LMO2: variants seen among roughly 807,000 people sequenced by gnomAD.
LMO2 encodes rhombotin-2.
LMO2 carries 20 observed loss-of-function variants against 23.2 expected under a neutral mutation model. That is an observed-to-expected ratio of 0.86 (90% CI 0.61 to 1.25). The LOEUF (loss-of-function observed/expected upper bound fraction) is 1.25, where lower values mean the gene tolerates loss of function less well. Among genes scored for constraint, LMO2 ranks in the 50% most tolerant of loss-of-function variants. LMO2 has a pLI of 0.00. For synonymous variants in LMO2, 123 were observed against 130.2 expected (o/e 0.94, Z 0.38); for missense variants, 270 against 315.3 (o/e 0.86, Z 1.09).
At chr11:33,882,567 G>T (rs554045085) in intron 1 of LMO2, among the ~76,000 whole-genome samples, 4 of 152,150 alleles carry the variant, frequency 2.6e-5, no homozygotes, top group Non-Finnish European at 5.9e-5. Context: ...AAGCCAACAC[G>T]CAGACACCGT....
At chr11:33,868,402 A>G (rs1343060340) in intron 4 of LMO2, among the ~76,000 whole-genome samples, 1 of 152,190 alleles carries the variant, frequency 6.6e-6, no homozygotes, top group Non-Finnish European at 1.5e-5. Context: ...CCTTCAAAGG[A>G]TTAGAGGGGG....
In LMO2 at chr11:33,864,766, G is replaced by T; in HGVS notation, c.300C>A (p.Gly100=). The change falls in exon 5 of 6, where the codon GGC becomes GGA. Residue 100 remains glycine, a synonymous_variant. Transcript: ENST00000257818. This position sits in a 1 kb window ranked among gnomAD's most constrained non-coding sequence, Gnocchi z 4.8. ...GGTCCCCAATGTTCTGCTGGCAGCC[G>T]CCGCATGTCAGCAGGGATGGGGGGA... ...LQIPPSLLTC[G]GCQQNIGDRY... 3 of 1,613,924 alleles carry T rather than the reference G, an allele frequency of 1.9e-6. No individual in the cohort carries two copies. The highest frequency in any genetic ancestry group is 2.5e-6 in the Non-Finnish European group (3 of 1,180,022).
intron 1 of LMO2, among the ~76,000 whole-genome samples, chr11:33,884,875 T>C (rs1295521710): frequency 4.6e-5 from 7 of 152,256 alleles, no homozygotes; most frequent in Admixed American, 4.6e-4. Context: ...TTAGGGGTTT[T>C]TGCCCTTCAG....
At position 33,864,864 on chromosome 11, in the gene LMO2, C is replaced by G. The variant is rs1474237715; in HGVS notation, c.249-47G>C. The G allele has an allele frequency of 6.4e-7, 1 of 1,564,694 alleles. No individual in the cohort carries two copies. Among genetic ancestry groups the G allele is most frequent in the Non-Finnish European group, 8.8e-7 (1 of 1,140,318 alleles). Reference sequence around the variant, plus strand: ...AGGGACAGCCTCACCAGAGTGAGACCAGCACCGAGGGTCCGAGATCGTTTT... The same window carrying G: ...AGGGACAGCCTCACCAGAGTGAGACGAGCACCGAGGGTCCGAGATCGTTTT... On this transcript the variant is annotated intron_variant, in intron 4 of 5. Coordinates refer to ENST00000257818, the MANE Select transcript of LMO2 (RefSeq NM_005574.4). This position sits in a 1 kb window ranked among gnomAD's most constrained non-coding sequence, Gnocchi z 4.8.
chr11:33,863,047 G>A (rs945549869), intron 5 of LMO2, among the ~76,000 whole-genome samples: 1 of 152,050 alleles, frequency 6.6e-6, no homozygotes, highest in Non-Finnish European at 1.5e-5. Flanking sequence ...GAGATAGGGA[G>A]AAGCTGGGGC....
intron 4 of LMO2, among the ~76,000 whole-genome samples, chr11:33,866,451 G>A (rs1413169428): frequency 6.6e-6 from 1 of 152,092 alleles, no homozygotes; most frequent in Non-Finnish European, 1.5e-5. Context: ...CCTGGGCAAC[G>A]TGGCAAAATC....
In LMO2 at chr11:33,859,225, A is replaced by G. The variant is rs1352913786; in HGVS notation, c.*131T>C. 1 of 642,616 alleles carries G rather than the reference A, an allele frequency of 1.6e-6. No individual in the cohort carries two copies. The highest frequency in any genetic ancestry group is 1.8e-5 in the African/African-American group (1 of 54,678). The allele number at this position is 642,616 out of a possible 1,614,324, so 39.8% of individuals were successfully genotyped here. On this transcript the variant is annotated 3_prime_UTR_variant, in exon 6 of 6. Transcript: ENST00000257818. ...GATGCTATGTCTTGATACCCAATAA[A>G]GGTCTACCATCCCCTAAGAAATCCC...
intron 2 of LMO2, chr11:33,881,541 C>T (rs1044090460): frequency 2.7e-5 from 10 of 368,194 alleles, no homozygotes; most frequent in Non-Finnish European, 5.4e-5. Flanking sequence ...TCTTTTTAAC[C>T]CTGAAAACGT....
rs1227633858 is a variant in LMO2 at position 33,880,898 on chromosome 11, T to A, written c.-272+926A>T. ...GCAATCAGTGGCAATCCCTGCCCAC[T>A]TAGGACTTTTCGAATAGTGCTCATC... On this transcript the variant is annotated intron_variant, in intron 2 of 5. Coordinates refer to ENST00000257818, the MANE Select transcript of LMO2 (RefSeq NM_005574.4). The surrounding 1 kb of genome is among the most constrained non-coding windows in gnomAD (Gnocchi z 4.3). The A allele has an allele frequency of 3.3e-6, 1 of 307,378 alleles. No homozygotes were observed. The highest frequency in any genetic ancestry group is 2.2e-5 in the African/African-American group (1 of 45,502). 19.0% of individuals were successfully genotyped at this position (307,378 alleles called of 1,614,324 possible).
chr11:33,862,929 A>G (rs1409331983), intron 5 of LMO2, among the ~76,000 whole-genome samples: 3 of 151,880 alleles, frequency 2.0e-5, no homozygotes, highest in Non-Finnish European at 4.4e-5. Flanking sequence ...GTTAATTAAC[A>G]TTGGGTTCTC....
intron 4 of LMO2, among the ~76,000 whole-genome samples, chr11:33,867,750 T>C (rs1465086710): frequency 6.6e-6 from 1 of 152,200 alleles, no homozygotes; most frequent in Admixed American, 6.5e-5. Context: ...TGTTTCAGTT[T>C]CTAACCTCAG....
At chr11:33,861,616 T>G (rs1320901689) in intron 5 of LMO2, among the ~76,000 whole-genome samples, 2 of 152,174 alleles carry the variant, frequency 1.3e-5, no homozygotes, top group Non-Finnish European at 2.9e-5. Context: ...GAAAGACAGT[T>G]CTGGTTTCCT....
intron 4 of LMO2, chr11:33,865,091 C>T: frequency 2.0e-6 from 1 of 509,024 alleles, no homozygotes; most frequent in East Asian, 3.6e-5. Context: ...TGGCACTGTG[C>T]CCCTGCCCAT....
At chr11:33,871,832 T>G (rs2133702384) in intron 2 of LMO2, among the ~76,000 whole-genome samples, 1 of 152,280 alleles carries the variant, frequency 6.6e-6, no homozygotes, top group South Asian at 2.1e-4. Context: ...AGACTCTTAC[T>G]TATCAGTTAG....
At chr11:33,877,906 T>C (rs1857174764) in intron 2 of LMO2, among the ~76,000 whole-genome samples, 1 of 152,036 alleles carries the variant, frequency 6.6e-6, no homozygotes. Flanking sequence ...TTGTTTTTTC[T>C]GCCAGTTTTT....
At chr11:33,883,652 TTGA>T (rs1160996451) in intron 1 of LMO2, among the ~76,000 whole-genome samples, 2 of 152,188 alleles carry the variant, frequency 1.3e-5, no homozygotes, top group Non-Finnish European at 2.9e-5. Flanking sequence ...GAGTTGCCCC[TTGA>T]TGAGCGATTA....
At chr11:33,881,119 AG>A (rs1565035233) in intron 2 of LMO2, 1 of 453,406 alleles carries the variant, frequency 2.2e-6, no homozygotes, top group Admixed American at 2.4e-5. Context: ...GTGGTGGAAA[AG>A]GGGGCGTCTC....
In LMO2 at chr11:33,870,430, G is replaced by A. The variant is rs571038834; in HGVS notation, c.-271-443C>T. 66 of 985,916 alleles carry A rather than the reference G, an allele frequency of 6.7e-5. No homozygotes were observed. In the African/African-American group the frequency reaches 8.6e-4, roughly 13 times the overall value. The allele number at this position is 985,916 out of a possible 1,614,324, so 61.1% of individuals were successfully genotyped here. ...CGGACGCCGTGCACTGGGATGCCCC[G>A]GACAGCGCGGCTCTGCGGGCTGCGG... On this transcript the variant is annotated intron_variant, in intron 2 of 5. Coordinates refer to ENST00000257818, the MANE Select transcript of LMO2 (RefSeq NM_005574.4).
At chr11:33,879,413 A>T (rs1273905139) in intron 2 of LMO2, among the ~76,000 whole-genome samples, 3 of 150,494 alleles carry the variant, frequency 2.0e-5, no homozygotes, top group African/African-American at 7.3e-5. Context: ...TGCGGTCAGG[A>T]GTTCGAGACC....
Sources: allele counts gnomAD v4.1 joint callset (sites outside exome capture counted in the v4.1 genomes callset), GRCh38; gene constraint gnomAD v4.1.1; non-coding constraint Gnocchi (gnomAD v3.1); transcripts MANE v1.5; gene names NCBI Gene and HGNC (gene_info 2026-07-23, HGNC 2026-07-21).